The following KRTAP20-1 variants were observed in gnomAD, a reference collection of about 807,000 sequenced individuals.
KRTAP20-1 encodes keratin associated protein 20-1.
Under a neutral mutation model 6.9 loss-of-function variants are expected in KRTAP20-1, and 9 were observed. That is an observed-to-expected ratio of 1.31 (90% confidence interval 0.79 to 2.29). The LOEUF is 2.29. KRTAP20-1 is among the 30% of genes most tolerant of loss of function. KRTAP20-1 has a pLI of 0.00. For missense variants in KRTAP20-1, 69 were observed against 67.8 expected, an observed-to-expected ratio of 1.02 and a Z score of -0.06; for synonymous variants, 30 against 25.6, an observed-to-expected ratio of 1.17 and a Z score of -0.51.
rs544292602 is a variant in KRTAP20-1 at position 30,616,615 on chromosome 21, G to T, written c.161G>T (p.Gly54Val). ...TGCTATGGAAGATATTGGTCATATG[G>T]TTTCTACTGAACAATTCTAGAGCTC... ...PSCYGRYWSY[G>V]FY Residue 54 changes from glycine to valine, a missense_variant, in exon 1 of 1, where the codon GGT becomes GTT. Gly to Val is a moderately radical substitution (Grantham distance 109, BLOSUM62 -3). Coordinates refer to ENST00000334664, the MANE Select transcript of KRTAP20-1 (RefSeq NM_181615.2). The T allele has an allele frequency of 6.2e-7, 1 of 1,611,224 alleles. No homozygotes were observed. The highest frequency in any genetic ancestry group is 8.5e-7 in the Non-Finnish European group (1 of 1,177,908).
At position 30,616,449 on chromosome 21, in the gene KRTAP20-1, G is replaced by A; in HGVS notation, c.-6G>A. ...TTCTACACCTGAACCATCCATTTCT[G>A]ACACCATGATTTACTACAGCAACTA... On this transcript the variant is annotated 5_prime_UTR_variant, in exon 1 of 1. Transcript: ENST00000334664. The A allele has an allele frequency of 6.2e-7, 1 of 1,606,746 alleles. No individual in the cohort carries two copies. Among genetic ancestry groups the A allele is most frequent in the African/African-American group, 1.3e-5 (1 of 74,930 alleles).
chr21:30,616,477 A>G lies in KRTAP20-1; in HGVS notation c.23A>G (p.Tyr8Cys), dbSNP rs116971075. The change falls in exon 1 of 1, where the codon TAT becomes TGT. Residue 8 changes from tyrosine (Y) to cysteine (C), a missense_variant. Coordinates refer to ENST00000334664, the MANE Select transcript of KRTAP20-1 (RefSeq NM_181615.2). ...ACCATGATTTACTACAGCAACTATTATGGTGGCTATGGGTATGGTGGGCTT... is the reference window on the plus strand; with the variant it reads ...ACCATGATTTACTACAGCAACTATTGTGGTGGCTATGGGTATGGTGGGCTT... MIYYSNYYGGYGYGGLGC... is the reference protein window; with the variant it reads MIYYSNYCGGYGYGGLGC... The G allele has an allele frequency of 2.9e-5, 47 of 1,611,786 alleles. No individual in the cohort carries two copies. The East Asian group carries it at 9.6e-4, about 33-fold the overall frequency.
rs1010371440 is a variant in KRTAP20-1 at position 30,616,508 on chromosome 21, T to C, written c.54T>C (p.Cys18=). 3.1e-6 allele frequency: 5 copies of C among 1,610,460 alleles called. No homozygotes were observed. The African/African-American group carries it at 6.7e-5, about 22-fold the overall frequency. ...GCTATGGGTATGGTGGGCTTGGCTGTGGCTATGGCTGTGGTTATCGTGGCT... is the reference window on the plus strand; with the variant it reads ...GCTATGGGTATGGTGGGCTTGGCTGCGGCTATGGCTGTGGTTATCGTGGCT... ...YGGYGYGGLG[C]GYGCGYRGYG... The change falls in exon 1 of 1, where the codon TGT becomes TGC. Residue 18 remains cysteine (C), a synonymous_variant. Coordinates refer to ENST00000334664, the MANE Select transcript of KRTAP20-1 (RefSeq NM_181615.2).
chr21:30,616,546 A>G lies in KRTAP20-1; in HGVS notation c.92A>G (p.Tyr31Cys). ...GCGYRGYGCG[Y>C]GGYGGYGNGY... ...GGTTATCGTGGCTATGGATGTGGTTATGGTGGCTATGGAGGCTATGGAAAT... is the reference window on the plus strand; with the variant it reads ...GGTTATCGTGGCTATGGATGTGGTTGTGGTGGCTATGGAGGCTATGGAAAT... Residue 31 changes from tyrosine (Y) to cysteine (C), a missense_variant, in exon 1 of 1, where the codon TAT becomes TGT. Physicochemically the swap from Tyr to Cys is radical, Grantham distance 194 (BLOSUM62 -2). Transcript: ENST00000334664. The G allele has an allele frequency of 6.2e-7, 1 of 1,608,178 alleles. No individual in the cohort carries two copies. Among genetic ancestry groups the G allele is most frequent in the Admixed American group, 1.7e-5 (1 of 59,990 alleles).
chr21:30,616,486 A>T lies in KRTAP20-1; in HGVS notation c.32A>T (p.Tyr11Phe). Reference sequence around the variant, plus strand: ...TACTACAGCAACTATTATGGTGGCTATGGGTATGGTGGGCTTGGCTGTGGC... The same window carrying T: ...TACTACAGCAACTATTATGGTGGCTTTGGGTATGGTGGGCTTGGCTGTGGC... MIYYSNYYGG[Y>F]GYGGLGCGYG... The change falls in exon 1 of 1, where the codon TAT becomes TTT. Residue 11 changes from tyrosine to phenylalanine, a missense_variant. Transcript: ENST00000334664. 6.2e-7 allele frequency: 1 copy of T among 1,612,096 alleles called. No individual in the cohort carries two copies. The highest frequency in any genetic ancestry group is 8.5e-7 in the Non-Finnish European group (1 of 1,178,490).
Position 30,616,652 on chromosome 21 carries a change from C to G in KRTAP20-1, c.*27C>G. ...CAATTCTAGAGCTCACCAGATTTGT[C>G]TGCTTGTGAAACCTGGATTCTCATG... On this transcript the variant is annotated 3_prime_UTR_variant, in exon 1 of 1. Transcript: ENST00000334664. 1 of 1,560,984 alleles carries G rather than the reference C, an allele frequency of 6.4e-7. No individual in the cohort carries two copies. The highest frequency in any genetic ancestry group is 8.7e-7 in the Non-Finnish European group (1 of 1,145,662).
Position 30,616,506 on chromosome 21 carries a change from T to C in KRTAP20-1, c.52T>C (p.Cys18Arg). Residue 18 changes from cysteine (C) to arginine (R), a missense_variant, in exon 1 of 1, where the codon TGT becomes CGT. Coordinates refer to ENST00000334664, the MANE Select transcript of KRTAP20-1 (RefSeq NM_181615.2). ...YGGYGYGGLGCGYGCGYRGYG... is the reference protein window; with the variant it reads ...YGGYGYGGLGRGYGCGYRGYG... ...TGGCTATGGGTATGGTGGGCTTGGC[T>C]GTGGCTATGGCTGTGGTTATCGTGG... 1 of 1,611,132 alleles carries C rather than the reference T, an allele frequency of 6.2e-7. No homozygotes were observed. Among genetic ancestry groups the C allele is most frequent in the Non-Finnish European group, 8.5e-7 (1 of 1,177,376 alleles).
In KRTAP20-1 at chr21:30,616,483, G is replaced by A. The variant is rs1980700078; in HGVS notation, c.29G>A (p.Gly10Asp). 1 of 1,612,290 alleles carries A rather than the reference G, an allele frequency of 6.2e-7. No individual in the cohort carries two copies. The highest frequency in any genetic ancestry group is 1.7e-5 in the Admixed American group (1 of 59,960). MIYYSNYYG[G>D]YGYGGLGCGY... ...ATTTACTACAGCAACTATTATGGTG[G>A]CTATGGGTATGGTGGGCTTGGCTGT... The change falls in exon 1 of 1, where the codon GGC becomes GAC. Residue 10 changes from glycine to aspartate, a missense_variant. Coordinates refer to ENST00000334664, the MANE Select transcript of KRTAP20-1 (RefSeq NM_181615.2).
In KRTAP20-1 at chr21:30,616,610, A is replaced by G. The variant is rs558851550; in HGVS notation, c.156A>G (p.Ser52=). 424 of 1,612,350 alleles carry G rather than the reference A, an allele frequency of 2.6e-4. 6 individuals carry two copies. The South Asian group carries it at 4.4e-3, about 17-fold the overall frequency. ...YCPSCYGRYW[S]YGFY ...CATCTTGCTATGGAAGATATTGGTC[A>G]TATGGTTTCTACTGAACAATTCTAG... is the stretch of plus-strand genomic sequence containing the variant. Residue 52 remains serine (S), a synonymous_variant, in exon 1 of 1, where the codon TCA becomes TCG. Transcript: ENST00000334664.
chr21:30,616,618 T>TCTACTGAA, the KRTAP20-1 span: 1 of 1,610,050 alleles, frequency 6.2e-7, no homozygotes, highest in Non-Finnish European at 8.5e-7. Flanking sequence ...TCATATGGTT[T>TCTACTGAA]CTACTGAACA....
Position 30,616,506 on chromosome 21 carries a change from TGTGGCTATGGCTGTGGTTATC to T in KRTAP20-1, c.63_83del (p.Arg25_Tyr31del), listed in dbSNP as rs764741337. ...TGGCTATGGGTATGGTGGGCTTGGC[TGTGGCTATGGCTGTGGTTATC>T]GTGGCTATGGATGTGGTTATGGTGG... On this transcript the variant is annotated inframe_deletion, in exon 1 of 1. Transcript: ENST00000334664. 3.7e-6 allele frequency: 6 copies of T among 1,611,130 alleles called. No individual in the cohort carries two copies. Among genetic ancestry groups the T allele is most frequent in the East Asian group, 2.2e-5 (1 of 44,838 alleles).
At position 30,616,481 on chromosome 21, in the gene KRTAP20-1, T is replaced by G; in HGVS notation, c.27T>G (p.Gly9=). MIYYSNYY[G]GYGYGGLGCG... ...TGATTTACTACAGCAACTATTATGG[T>G]GGCTATGGGTATGGTGGGCTTGGCT... The change falls in exon 1 of 1, where the codon GGT becomes GGG. Residue 9 remains glycine (G), a synonymous_variant. Transcript: ENST00000334664. The G allele has an allele frequency of 6.2e-7, 1 of 1,612,260 alleles. No homozygotes were observed. The highest frequency in any genetic ancestry group is 8.5e-7 in the Non-Finnish European group (1 of 1,178,628).
At position 30,616,579 on chromosome 21, in the gene KRTAP20-1, A is replaced by G. The variant is rs2123611499; in HGVS notation, c.125A>G (p.Tyr42Cys). 6.2e-7 allele frequency: 1 copy of G among 1,613,196 alleles called. No individual in the cohort carries two copies. Among genetic ancestry groups the G allele is most frequent in the Non-Finnish European group, 8.5e-7 (1 of 1,179,276 alleles). The change falls in exon 1 of 1, where the codon TAC (tyrosine) becomes TGC (cysteine). Residue 42 changes from tyrosine (Y) to cysteine (C), a missense_variant. Coordinates refer to ENST00000334664, the MANE Select transcript of KRTAP20-1 (RefSeq NM_181615.2). ...GGYGGYGNGY[Y>C]CPSCYGRYWS... ...TATGGAGGCTATGGAAATGGCTACT[A>G]CTGCCCATCTTGCTATGGAAGATAT...
At position 30,616,589 on chromosome 21, in the gene KRTAP20-1, T is replaced by A; in HGVS notation, c.135T>A (p.Ser45=). 2 of 1,613,200 alleles carry A rather than the reference T, an allele frequency of 1.2e-6. No homozygotes were observed. The highest frequency in any genetic ancestry group is 1.7e-6 in the Non-Finnish European group (2 of 1,179,310). Residue 45 remains serine, a synonymous_variant, in exon 1 of 1, where the codon TCT becomes TCA. Transcript: ENST00000334664. The part of the protein sequence containing the change: ...GGYGNGYYCP[S]CYGRYWSYGF... ...ATGGAAATGGCTACTACTGCCCATC[T>A]TGCTATGGAAGATATTGGTCATATG...
Position 30,616,430 on chromosome 21 carries a change from A to G in KRTAP20-1, c.-25A>G. 6.3e-7 allele frequency: 1 copy of G among 1,599,230 alleles called. No homozygotes were observed. Among genetic ancestry groups the G allele is most frequent in the Non-Finnish European group, 8.5e-7 (1 of 1,170,186 alleles). On this transcript the variant is annotated 5_prime_UTR_variant, in exon 1 of 1. Transcript: ENST00000334664. The stretch of plus-strand genomic sequence containing the variant: ...CAAATTCAAGAACATCCTCTTCTAC[A>G]CCTGAACCATCCATTTCTGACACCA...
rs751738790 is a variant in KRTAP20-1, at chr21:30,616,594, A to G, written c.140A>G (p.Tyr47Cys). The G allele has an allele frequency of 3.1e-6, 5 of 1,613,006 alleles. No homozygotes were observed. The Admixed American group carries it at 5.0e-5, about 16-fold the overall frequency. ...YGNGYYCPSC[Y>C]GRYWSYGFY The stretch of plus-strand genomic sequence containing the variant: ...AATGGCTACTACTGCCCATCTTGCT[A>G]TGGAAGATATTGGTCATATGGTTTC... Residue 47 changes from tyrosine to cysteine, a missense_variant, in exon 1 of 1, where the codon TAT (tyrosine) becomes TGT (cysteine). By Grantham distance (194) the Tyr-to-Cys change is radical. Coordinates refer to ENST00000334664, the MANE Select transcript of KRTAP20-1 (RefSeq NM_181615.2).
chr21:30,616,622 C>T lies in KRTAP20-1; in HGVS notation c.168C>T (p.Tyr56=). Residue 56 remains tyrosine, a synonymous_variant, in exon 1 of 1, where the codon TAC becomes TAT. Transcript: ENST00000334664. ...GAAGATATTGGTCATATGGTTTCTACTGAACAATTCTAGAGCTCACCAGAT... is the reference window on the plus strand; with the variant it reads ...GAAGATATTGGTCATATGGTTTCTATTGAACAATTCTAGAGCTCACCAGAT... The part of the protein sequence containing the change: ...CYGRYWSYGF[Y] 6.2e-7 allele frequency: 1 copy of T among 1,608,706 alleles called. No individual in the cohort carries two copies. The highest frequency in any genetic ancestry group is 8.5e-7 in the Non-Finnish European group (1 of 1,176,298).
chr21:30,616,686 G>C lies in KRTAP20-1; in HGVS notation c.*61G>C, dbSNP rs1233271270. The stretch of plus-strand genomic sequence containing the variant: ...AAACCTGGATTCTCATGCTGCTCTT[G>C]TTCATCTGATCCTGTGTCTTCAAAA... On this transcript the variant is annotated 3_prime_UTR_variant, in exon 1 of 1. Coordinates refer to ENST00000334664, the MANE Select transcript of KRTAP20-1 (RefSeq NM_181615.2). 2.8e-6 allele frequency: 4 copies of C among 1,442,024 alleles called. No homozygotes were observed. The African/African-American group carries it at 5.6e-5, about 20-fold the overall frequency. 89.3% of individuals were successfully genotyped at this position (1,442,024 alleles called of 1,614,324 possible).
At position 30,616,439 on chromosome 21, in the gene KRTAP20-1, A is replaced by ATCCAT. The variant is rs1289705413; in HGVS notation, c.-14_-10dup. 5.6e-6 allele frequency: 9 copies of ATCCAT among 1,605,002 alleles called. No individual in the cohort carries two copies. The highest frequency in any genetic ancestry group is 6.8e-6 in the Non-Finnish European group (8 of 1,173,966). On this transcript the variant is annotated 5_prime_UTR_variant, in exon 1 of 1. Coordinates refer to ENST00000334664, the MANE Select transcript of KRTAP20-1 (RefSeq NM_181615.2). Reference sequence around the variant, plus strand: ...GAACATCCTCTTCTACACCTGAACCATCCATTTCTGACACCATGATTTACT... The same window carrying ATCCAT: ...GAACATCCTCTTCTACACCTGAACCATCCATTCCATTTCTGACACCATGATTTACT...
Sources: allele counts gnomAD v4.1 joint callset, GRCh38; gene constraint gnomAD v4.1.1; transcripts MANE v1.5; gene names NCBI Gene and HGNC (gene_info 2026-07-23, HGNC 2026-07-21).